The following GLP1R variants were observed in gnomAD, a reference collection of about 807,000 sequenced individuals.
GLP1R encodes glucagon-like peptide 1 receptor.
In GLP1R, 32 loss-of-function variants were observed where a neutral mutation model predicts 68.4. That is an observed-to-expected ratio of 0.47 (90% CI 0.35 to 0.63). The LOEUF is 0.63. Among genes scored for constraint, GLP1R ranks in the 20% least tolerant of loss-of-function variants. GLP1R has a pLI of 0.00. For missense variants in GLP1R, 502 were observed against 594.9 expected, an observed-to-expected ratio of 0.84 and a Z score of 1.62; for synonymous variants, 263 against 244.4, an observed-to-expected ratio of 1.08 and a Z score of -0.71.
chr6:39,065,733 G>T lies in GLP1R; in HGVS notation c.306G>T (p.Arg102=). The part of the protein sequence containing the change: ...ASSVPQGHVY[R]FCTAEGLWLQ... ...CAGTGCCGCAGGGCCACGTGTACCG[G>T]TTCTGCACAGCTGAAGGCCTCTGGC... Residue 102 remains arginine (R), a synonymous_variant, in exon 4 of 13, where the codon CGG becomes CGT. Transcript: ENST00000373256. 6.4e-7 allele frequency: 1 copy of T among 1,571,648 alleles called. No individual in the cohort carries two copies. Among genetic ancestry groups the T allele is most frequent in the Non-Finnish European group, 8.6e-7 (1 of 1,157,836 alleles).
chr6:39,073,085 G>C (rs1036865756), intron 6 of GLP1R, 70 bp downstream of exon 6: 25 of 1,417,856 alleles, frequency 1.8e-5, no homozygotes, highest in Non-Finnish European at 2.5e-5. Flanking sequence ...TGCCACCCTA[G>C]ACAGGCCTGG....
At chr6:39,056,589 G>T (rs1768220225) in intron 2 of GLP1R, 96 bp downstream of exon 2, 2 of 669,272 alleles carry the variant, frequency 3.0e-6, no homozygotes, top group African/African-American at 1.8e-5. Flanking sequence ...GGAGCCATTT[G>T]CCTCTATAGG....
Position 39,072,819 on chromosome 6 carries a change from T to C in GLP1R, c.510-43T>C, listed in dbSNP as rs1169122880. On this transcript the variant is annotated intron_variant, in intron 5 of 12. Transcript: ENST00000373256. ...AGAGCCTGGGGTTGTAGAGCAGAAC[T>C]GTTGGCTGCCTTGCCAGGGAAAGGC... is the stretch of plus-strand genomic sequence containing the variant. The C allele has an allele frequency of 1.9e-6, 3 of 1,587,188 alleles. No homozygotes were observed. The Admixed American group carries it at 5.0e-5, about 27-fold the overall frequency.
chr6:39,050,143 T>A (rs377398529), intron 1 of GLP1R, among the ~76,000 whole-genome samples: 15 of 152,282 alleles, frequency 9.9e-5, no homozygotes, highest in African/African-American at 3.6e-4. Flanking sequence ...CCAGCCCAGC[T>A]GCTGTCCTGA....
At chr6:39,080,828 T>G in intron 12 of GLP1R, 89 bp downstream of exon 12, 1 of 773,544 alleles carries the variant, frequency 1.3e-6, no homozygotes, top group Non-Finnish European at 2.1e-6. Flanking sequence ...CCATCAATCT[T>G]GCCAGCTGAA....
At chr6:39,050,702 G>T (rs35652781) in intron 1 of GLP1R, among the ~76,000 whole-genome samples, 61 of 152,280 alleles carry the variant, frequency 4.0e-4, no homozygotes, top group South Asian at 3.9e-3. Flanking sequence ...AACATCATGC[G>T]TGCTTATAAG....
intron 3 of GLP1R, among the ~76,000 whole-genome samples, chr6:39,058,264 G>A (rs1365561601): frequency 6.6e-6 from 1 of 152,208 alleles, no homozygotes; most frequent in Non-Finnish European, 1.5e-5. Flanking sequence ...TGTGTATGCA[G>A]GTGGCCCATA....
chr6:39,084,707 A>T (rs892715100), intron 12 of GLP1R, among the ~76,000 whole-genome samples: 1 of 152,200 alleles, frequency 6.6e-6, no homozygotes, highest in Admixed American at 6.5e-5. Flanking sequence ...ATGACGCTGC[A>T]TGGGACACTG....
chr6:39,051,718 G>A (rs966504295), intron 1 of GLP1R, among the ~76,000 whole-genome samples: 1 of 152,068 alleles, frequency 6.6e-6, no homozygotes, highest in Non-Finnish European at 1.5e-5. Flanking sequence ...AAGGGAGTAG[G>A]CTATATGAAC....
intron 5 of GLP1R, among the ~76,000 whole-genome samples, chr6:39,069,241 A>G (rs139246535): frequency 1.0e-3 from 153 of 152,328 alleles, no homozygotes; most frequent in African/African-American, 3.6e-3. Context: ...CTCCAATGCC[A>G]TGCTCCTCAT....
At chr6:39,080,459 A>G (rs1386895788) in intron 11 of GLP1R, among the ~76,000 whole-genome samples, 2 of 152,112 alleles carry the variant, frequency 1.3e-5, no homozygotes, top group Non-Finnish European at 2.9e-5. Flanking sequence ...TGCCTGGGAG[A>G]CCCATGGGGA....
At chr6:39,084,216 A>G (rs1158257978) in intron 12 of GLP1R, among the ~76,000 whole-genome samples, 2 of 152,194 alleles carry the variant, frequency 1.3e-5, no homozygotes, top group African/African-American at 4.8e-5. Context: ...TCATCTTTAA[A>G]TGTGGAGCTA....
At chr6:39,073,146 T>A (rs1024188577) in intron 6 of GLP1R, 131 bp downstream of exon 6, 10 of 806,272 alleles carry the variant, frequency 1.2e-5, no homozygotes, top group Non-Finnish European at 1.9e-5. Flanking sequence ...GAGCCCCCAG[T>A]CTGATGGGAG....
intron 11 of GLP1R, among the ~76,000 whole-genome samples, chr6:39,080,261 A>G (rs527835597): frequency 2.0e-5 from 3 of 152,330 alleles, no homozygotes; most frequent in African/African-American, 4.8e-5. Flanking sequence ...ACATGTGCAG[A>G]CATACAGAAC....
intron 5 of GLP1R, 140 bp downstream of exon 5, chr6:39,066,443 C>A: frequency 1.7e-6 from 1 of 584,718 alleles, no homozygotes; most frequent in African/African-American, 1.9e-5. Flanking sequence ...GAGCCCTGAC[C>A]GTAGAATATG....
chr6:39,080,954 G>T (rs1768994410), intron 12 of GLP1R, among the ~76,000 whole-genome samples: 1 of 151,954 alleles, frequency 6.6e-6, no homozygotes, highest in Non-Finnish European at 1.5e-5. Flanking sequence ...TACATGTACA[G>T]GTATACCCTA....
At chr6:39,055,159 T>C (rs547303778) in intron 1 of GLP1R, among the ~76,000 whole-genome samples, 2 of 152,280 alleles carry the variant, frequency 1.3e-5, no homozygotes, top group South Asian at 2.1e-4. Flanking sequence ...AGGTGTGTGA[T>C]AAGCCAGCTA....
At chr6:39,068,046 G>A (rs1768561231) in intron 5 of GLP1R, among the ~76,000 whole-genome samples, 1 of 152,080 alleles carries the variant, frequency 6.6e-6, no homozygotes, top group Non-Finnish European at 1.5e-5. Flanking sequence ...TTGGAGACCA[G>A]CCTGACCGAT....
intron 1 of GLP1R, among the ~76,000 whole-genome samples, chr6:39,051,175 T>A (rs571709487): frequency 3.9e-5 from 6 of 152,142 alleles, no homozygotes; most frequent in Admixed American, 2.6e-4. Flanking sequence ...GATTCAAATA[T>A]AGGGTCTGCT....
Sources: allele counts gnomAD v4.1 joint callset (sites outside exome capture counted in the v4.1 genomes callset), GRCh38; gene constraint gnomAD v4.1.1; transcripts MANE v1.5; gene names NCBI Gene and HGNC (gene_info 2026-07-23, HGNC 2026-07-21).